Variants in WNT7B observed in about 807,000 individuals in gnomAD.
The protein encoded by WNT7B is protein Wnt-7b.
A neutral mutation model predicts 38.2 loss-of-function variants in WNT7B; 19 were observed. The ratio of observed to expected loss-of-function variants is 0.50; its 90% CI spans 0.35 to 0.73. WNT7B has a LOEUF of 0.73. Among genes scored for constraint, WNT7B ranks in the 30% least tolerant of loss-of-function variants. WNT7B has a pLI of 0.01. For missense variants in WNT7B, 423 were observed against 507.9 expected (o/e 0.83, Z 1.61); for synonymous variants, 243 against 209.3 (o/e 1.16, Z -1.39).
intron 1 of WNT7B, among the ~76,000 whole-genome samples, chr22:45,973,892 GC>G (rs200336025): frequency 1.0e-5 from 1 of 96,792 alleles, no homozygotes; most frequent in Non-Finnish European, 2.2e-5. Context: ...TGCCCAGGTG[GC>G]CCCCCGTGTA....
rs531877432 is a variant in WNT7B, at chr22:45,933,740, T to A, written c.299-2371A>T. Reference sequence around the variant, plus strand: ...GTACAATCTTAACAAGGAGCATGGATTCGCTTGCTGTGTGTGTGTGGTGTA... The same window carrying A: ...GTACAATCTTAACAAGGAGCATGGAATCGCTTGCTGTGTGTGTGTGGTGTA... On this transcript the variant is annotated intron_variant, in intron 2 of 3. Transcript: ENST00000339464. Among the ~76,000 whole-genome samples, 83 of 152,274 alleles carry A rather than the reference T, an allele frequency of 5.5e-4. 1 individual carries two copies. In the South Asian group the frequency reaches 0.017, roughly 30 times the overall value.
At chr22:45,964,507 T>C (rs1014753832) in intron 1 of WNT7B, among the ~76,000 whole-genome samples, 1 of 152,080 alleles carries the variant, frequency 6.6e-6, no homozygotes, top group Admixed American at 6.5e-5. Flanking sequence ...GCCTTCCTAG[T>C]GGGGGTGTCA....
chr22:45,927,972 T>A (rs9723183), intron 3 of WNT7B, among the ~76,000 whole-genome samples: 16,441 of 152,188 alleles, frequency 0.11, 1,042 homozygotes, highest in East Asian at 0.2. Context: ...TGGAGGGATG[T>A]GGCCACAGCG....
chr22:45,929,637 CAT>C (rs1178158570), intron 3 of WNT7B, among the ~76,000 whole-genome samples: 28 of 92,038 alleles, frequency 3.0e-4, no homozygotes, highest in Admixed American at 1.1e-3. Context: ...TCCATCCATG[CAT>C]CCACTCATCC....
At chr22:45,924,288 G>T (rs1196558425) in intron 3 of WNT7B, among the ~76,000 whole-genome samples, 1 of 152,206 alleles carries the variant, frequency 6.6e-6, no homozygotes, top group African/African-American at 2.4e-5. Context: ...CCCAGCTCTA[G>T]CCTAGTGGAG....
chr22:45,949,351 G>A (rs184040161), intron 2 of WNT7B, among the ~76,000 whole-genome samples: 115 of 14,420 alleles, frequency 8.0e-3, no homozygotes, highest in African/African-American at 0.029. Context: ...CCTGCCCTCC[G>A]GCCATTGGAT....
chr22:45,936,476 C>A (rs1931517294), intron 2 of WNT7B, among the ~76,000 whole-genome samples: 1 of 152,264 alleles, frequency 6.6e-6, no homozygotes, highest in African/African-American at 2.4e-5. Context: ...CCAGCTGTCC[C>A]CTCAAATCCA....
At chr22:45,928,043 A>G (rs1407908718) in intron 3 of WNT7B, among the ~76,000 whole-genome samples, 9 of 152,300 alleles carry the variant, frequency 5.9e-5, no homozygotes, top group African/African-American at 1.9e-4. Context: ...CCTGCTGCCT[A>G]GAGGGAGTGC....
At chr22:45,956,770 G>A (rs1932072604) in intron 1 of WNT7B, among the ~76,000 whole-genome samples, 1 of 152,248 alleles carries the variant, frequency 6.6e-6, no homozygotes, top group Admixed American at 6.5e-5. Context: ...ACATCATGGT[G>A]TGTGAAAGAA....
chr22:45,931,036 G>T, intron 3 of WNT7B, 62 bp downstream of exon 3: 1 of 1,496,132 alleles, frequency 6.7e-7, no homozygotes. Context: ...GAGGCTCCGA[G>T]AGGTCAGCGG....
intron 1 of WNT7B, among the ~76,000 whole-genome samples, chr22:45,974,477 G>A (rs898095911): frequency 2.0e-5 from 3 of 152,236 alleles, no homozygotes; most frequent in African/African-American, 7.2e-5. Flanking sequence ...AGCCTCGAGG[G>A]AGGGATTGGC....
chr22:45,923,945 G>C (rs922247604), intron 3 of WNT7B, among the ~76,000 whole-genome samples: 4 of 152,204 alleles, frequency 2.6e-5, no homozygotes, highest in Non-Finnish European at 4.4e-5. Flanking sequence ...CGACAGCCCC[G>C]GCCCGCCCGC....
At position 45,921,370 on chromosome 22, in the gene WNT7B, G is replaced by C. The variant is rs578046219; in HGVS notation, c.*1486C>G. 1 of 152,426 alleles carries C rather than the reference G, an allele frequency of 6.6e-6. No individual in the cohort carries two copies. The highest frequency in any genetic ancestry group is 2.1e-4 in the South Asian group (1 of 4,840). The allele number at this position is 152,426 out of a possible 1,614,324, so 9.4% of individuals were successfully genotyped here. A position where few individuals can be genotyped will look rare whatever the true frequency, so the allele number is the denominator to read the frequency against. ...CGAGGGGAGTGCAGGCCCCAATGAG[G>C]CTGTCAGGGGGTGGAGGGAGCAGCC... On this transcript the variant is annotated 3_prime_UTR_variant, in exon 4 of 4. Transcript: ENST00000339464.
chr22:45,932,550 G>C (rs1931399439), intron 2 of WNT7B, among the ~76,000 whole-genome samples: 1 of 152,166 alleles, frequency 6.6e-6, no homozygotes, highest in Admixed American at 6.5e-5. Context: ...AGATGGGCAG[G>C]TTCAGCTCTC....
intron 2 of WNT7B, among the ~76,000 whole-genome samples, chr22:45,948,253 G>C (rs1002970317): frequency 6.6e-6 from 1 of 152,314 alleles, no homozygotes; most frequent in South Asian, 2.1e-4. Context: ...GTGAGCACTC[G>C]TGCCGACGCC....
At chr22:45,933,160 T>G (rs564274389) in intron 2 of WNT7B, among the ~76,000 whole-genome samples, 9 of 152,272 alleles carry the variant, frequency 5.9e-5, no homozygotes, top group East Asian at 1.9e-4. Flanking sequence ...TGGTAGGCTG[T>G]CTGTCTGCCG....
At position 45,973,898 on chromosome 22, in the gene WNT7B, C is replaced by CCT. The variant is rs34672378; in HGVS notation, c.71+2785_71+2786insAG. Among the ~76,000 whole-genome samples the CCT allele has an allele frequency of 9.7e-3, 1,470 of 151,930 alleles. 10 individuals carry two copies. The highest frequency in any genetic ancestry group is 0.014 in the Middle Eastern group (4 of 294). On this transcript the variant is annotated intron_variant, in intron 1 of 3. Coordinates refer to ENST00000339464, the MANE Select transcript of WNT7B (RefSeq NM_058238.3). ...GGCTGCACGTGCCCAGGTGGCCCCC[C>CCT]GTGTAATTAAACACAGGCAGCATGC...
intron 1 of WNT7B, among the ~76,000 whole-genome samples, chr22:45,959,077 C>A (rs892754349): frequency 2.0e-5 from 3 of 152,234 alleles, no homozygotes; most frequent in African/African-American, 7.2e-5. Flanking sequence ...CCAGGCGTGG[C>A]AGAGCCTCAG....
At chr22:45,967,332 C>A (rs1932334945) in intron 1 of WNT7B, among the ~76,000 whole-genome samples, 1 of 152,204 alleles carries the variant, frequency 6.6e-6, no homozygotes, top group Non-Finnish European at 1.5e-5. Flanking sequence ...GAGCCGGACC[C>A]AAGGCTGTGT....
Sources: allele counts gnomAD v4.1 joint callset (sites outside exome capture counted in the v4.1 genomes callset), GRCh38; gene constraint gnomAD v4.1.1; transcripts MANE v1.5; gene names NCBI Gene and HGNC (gene_info 2026-07-23, HGNC 2026-07-21).